The following INSC variants were observed in gnomAD, a reference collection of about 807,000 sequenced individuals.
INSC encodes INSC spindle orientation adaptor protein.
A neutral mutation model predicts 58.6 loss-of-function variants in INSC; 67 were observed. The ratio of observed to expected loss-of-function variants is 1.14; its 90% CI spans 0.94 to 1.40. The LOEUF is 1.40. Among genes scored for constraint, INSC ranks in the 40% most tolerant of loss-of-function variants. The pLI, the probability that INSC is intolerant of heterozygous loss-of-function variation, is 0.00. For synonymous variants in INSC, 262 were observed against 276.1 expected (o/e 0.95, Z 0.51); for missense variants, 714 against 692.0 (o/e 1.03, Z -0.36).
rs1476209645 is a variant in INSC, at chr11:15,246,013, C to T, written c.1572C>T (p.Cys524=). The T allele has an allele frequency of 3.7e-6, 6 of 1,614,182 alleles. No individual in the cohort carries two copies. In the Admixed American group the frequency reaches 5.0e-5, roughly 13 times the overall value. The change falls in exon 13 of 13, where the codon TGC becomes TGT. Residue 524 remains cysteine, a synonymous_variant. Coordinates refer to ENST00000379556, the MANE Select transcript of INSC (RefSeq NM_001042536.3). ...QPRLVDSFLL[C]SNMEESFV Reference sequence around the variant, plus strand: ...GGCTGGTGGACTCCTTCTTACTCTGCAGCAACATGGAGGAGAGTTTTGTGT... The same window carrying T: ...GGCTGGTGGACTCCTTCTTACTCTGTAGCAACATGGAGGAGAGTTTTGTGT...
intron 1 of INSC, 38 bp downstream of exon 1, chr11:15,115,041 G>A (rs2133668118): frequency 1.0e-6 from 1 of 979,276 alleles, no homozygotes; most frequent in Admixed American, 6.1e-5. Flanking sequence ...TCAGGGGGCT[G>A]GTGATGCCTC....
chr11:15,196,294 G>T (rs1473549926), intron 6 of INSC, among the ~76,000 whole-genome samples: 1 of 152,206 alleles, frequency 6.6e-6, no homozygotes, highest in Non-Finnish European at 1.5e-5. Flanking sequence ...TTGTCCACAT[G>T]ACCCCTCTGA....
At chr11:15,147,422 T>A (rs1848521246) in intron 1 of INSC, among the ~76,000 whole-genome samples, 1 of 152,326 alleles carries the variant, frequency 6.6e-6, no homozygotes. Context: ...AGCAGACTCA[T>A]AGGACATAAC....
At chr11:15,224,108 C>T (rs1205541911) in intron 8 of INSC, among the ~76,000 whole-genome samples, 1 of 152,118 alleles carries the variant, frequency 6.6e-6, no homozygotes, top group African/African-American at 2.4e-5. Context: ...ACATTTGAAT[C>T]CTCAATTTCT....
At chr11:15,135,633 G>A (rs1212438485) in intron 1 of INSC, among the ~76,000 whole-genome samples, 1 of 152,148 alleles carries the variant, frequency 6.6e-6, no homozygotes, top group Admixed American at 6.5e-5. Flanking sequence ...ATACTACTTT[G>A]GTCACATAGG....
chr11:15,114,246 CGGGGGTG>C (rs964953777), upstream of INSC, among the ~76,000 whole-genome samples: 1 of 30,188 alleles, frequency 3.3e-5, no homozygotes, highest in Admixed American at 4.6e-4. Context: ...GAGTCCAGGA[CGGGGGTG>C]GGGGGTGGGG....
upstream of INSC, among the ~76,000 whole-genome samples, chr11:15,112,809 T>C (rs1473934074): frequency 1.3e-5 from 2 of 152,212 alleles, no homozygotes; most frequent in Non-Finnish European, 2.9e-5. Flanking sequence ...AGCCTCATTC[T>C]ATTTCTAGCA....
rs1307707669 is a variant in INSC at position 15,176,070 on chromosome 11, TGAAG to T, written c.390_393del (p.Glu131TrpfsTer8). 1.3e-6 allele frequency: 2 copies of T among 1,528,706 alleles called. No individual in the cohort carries two copies. Among genetic ancestry groups the T allele is most frequent in the Admixed American group, 3.9e-5 (2 of 50,848 alleles). The allele number at this position is 1,528,706 out of a possible 1,614,324, so 94.7% of individuals were successfully genotyped here. On this transcript the variant is annotated frameshift_variant, in exon 3 of 13. Transcript: ENST00000379556. LOFTEE classifies it high-confidence loss of function. ...TACAGTGCTGTCAGCAGGAACTCCT[TGAAG>T]GAAATGGGCGAGGTCAGCTGCCCTG...
At chr11:15,236,042 C>A (rs1401185807) in intron 10 of INSC, among the ~76,000 whole-genome samples, 2 of 116,990 alleles carry the variant, frequency 1.7e-5, no homozygotes, top group Non-Finnish European at 3.3e-5. Context: ...GGCAACAGAG[C>A]GAGACTCTGT....
chr11:15,202,647 CTGT>C (rs1185537487), intron 7 of INSC, among the ~76,000 whole-genome samples: 33 of 152,192 alleles, frequency 2.2e-4, no homozygotes, highest in Non-Finnish European at 4.3e-4. Context: ...CTCACCTTTC[CTGT>C]CTGGTTGGCA....
At chr11:15,227,401 T>C (rs926492551) in intron 9 of INSC, among the ~76,000 whole-genome samples, 9 of 152,338 alleles carry the variant, frequency 5.9e-5, no homozygotes, top group Middle Eastern at 6.8e-3. Context: ...TAATAAGATA[T>C]GCAAGGACCT....
At chr11:15,164,096 A>C (rs1012539758) in intron 2 of INSC, among the ~76,000 whole-genome samples, 2 of 151,800 alleles carry the variant, frequency 1.3e-5, no homozygotes, top group Non-Finnish European at 2.9e-5. Context: ...ATTTCCTTAA[A>C]ATTTTAAGCT....
chr11:15,178,386 T>A lies in INSC; in HGVS notation c.518T>A (p.Leu173Gln). The A allele has an allele frequency of 6.2e-7, 1 of 1,613,714 alleles. No homozygotes were observed. Among genetic ancestry groups the A allele is most frequent in the Non-Finnish European group, 8.5e-7 (1 of 1,180,002 alleles). ...KSMKACVSET[L>Q]SMLGQHFGQL... ...ATGAAGGCCTGCGTGAGTGAGACCC[T>A]GAGCATGCTGGGCCAGCACTTTGGT... The change falls in exon 5 of 13, where the codon CTG becomes CAG. Residue 173 changes from leucine to glutamine, a missense_variant. Leu to Gln is a moderately radical substitution (Grantham distance 113, BLOSUM62 -2). Transcript: ENST00000379556.
chr11:15,215,491 C>T (rs1487463911), intron 7 of INSC, among the ~76,000 whole-genome samples: 4 of 152,226 alleles, frequency 2.6e-5, no homozygotes, highest in African/African-American at 9.6e-5. Context: ...CCCCAGAGGC[C>T]CCAATGAGGG....
intron 5 of INSC, among the ~76,000 whole-genome samples, chr11:15,186,248 CT>C (rs34968510): frequency 7.4e-5 from 11 of 148,926 alleles, no homozygotes; most frequent in Non-Finnish European, 1.0e-4. Flanking sequence ...CTTTCTGCTA[CT>C]TTTTTTTTTT....
chr11:15,181,222 G>A (rs2679633), intron 5 of INSC, among the ~76,000 whole-genome samples: 111,864 of 152,128 alleles, frequency 0.74, 41,816 homozygotes, highest in East Asian at 0.99. Flanking sequence ...TATATCTCTA[G>A]TGACTAGAAC....
At chr11:15,166,074 T>C (rs534002927) in intron 2 of INSC, among the ~76,000 whole-genome samples, 2 of 152,298 alleles carry the variant, frequency 1.3e-5, no homozygotes, top group African/African-American at 2.4e-5. Context: ...TAGTGTTTCA[T>C]TGAATTAAGT....
At chr11:15,209,699 A>G (rs747675567) in intron 7 of INSC, among the ~76,000 whole-genome samples, 9 of 152,218 alleles carry the variant, frequency 5.9e-5, no homozygotes, top group East Asian at 1.9e-4. Flanking sequence ...ATAAATACCA[A>G]TTGAAGATTT....
At chr11:15,217,455 C>T (rs1024658152) in intron 7 of INSC, among the ~76,000 whole-genome samples, 5 of 152,114 alleles carry the variant, frequency 3.3e-5, no homozygotes, top group South Asian at 2.1e-4. Flanking sequence ...AGGATTCAGA[C>T]GTAGGTAGGC....
Sources: gnomAD v4.1 joint callset for allele counts (sites outside exome capture counted in the v4.1 genomes callset) on GRCh38, gnomAD v4.1.1 for gene constraint, MANE v1.5 for transcripts, NCBI Gene and HGNC (gene_info 2026-07-23, HGNC 2026-07-21) for gene names.